Variants in ADAMTS17 observed in about 807,000 individuals in gnomAD.
ADAMTS17 encodes the protein ADAM metallopeptidase with thrombospondin type 1 motif 17.
ADAMTS17 carries 113 observed loss-of-function variants against 141.5 expected under a neutral mutation model. That is an observed-to-expected ratio of 0.80 (90% CI 0.69 to 0.93). The LOEUF (loss-of-function observed/expected upper bound fraction) is 0.93, where lower values mean the gene tolerates loss of function less well. ADAMTS17 is among the 40% of genes least tolerant of loss of function. ADAMTS17 has a pLI of 0.00. For synonymous variants in ADAMTS17, 768 were observed against 630.6 expected, an observed-to-expected ratio of 1.22 and a Z score of -3.27; for missense variants, 1,659 against 1,517.9, an observed-to-expected ratio of 1.09 and a Z score of -1.54.
chr15:100,322,712 G>C (rs2045767184), intron 3 of ADAMTS17, among the ~76,000 whole-genome samples: 1 of 152,188 alleles, frequency 6.6e-6, no homozygotes, highest in Non-Finnish European at 1.5e-5. Flanking sequence ...TGGATGAAAA[G>C]ACAGGAAATT....
At chr15:100,089,425 G>A (rs1289093246) in intron 15 of ADAMTS17, among the ~76,000 whole-genome samples, 23 of 150,090 alleles carry the variant, frequency 1.5e-4, no homozygotes, top group East Asian at 2.0e-4. Flanking sequence ...ACAGTGTGGC[G>A]ATTCCTCAGG....
rs28602565 is a variant in ADAMTS17 at position 100,096,021 on chromosome 15, G to T, written c.2137+335C>A. On this transcript the variant is annotated intron_variant, in intron 15 of 21. Transcript: ENST00000268070. Reference sequence around the variant, plus strand: ...ATCGACAGGTAAAATGATTTGGCAGGTGTCTCTCCCACCTTCTCTGCCTGT... The same window carrying T: ...ATCGACAGGTAAAATGATTTGGCAGTTGTCTCTCCCACCTTCTCTGCCTGT... 0.2 allele frequency among the ~76,000 whole-genome samples: 29,773 copies of T among 152,032 alleles called. 3,489 individuals are homozygous for T. The highest frequency in any genetic ancestry group is 0.48 in the East Asian group (2,451 of 5,132).
At chr15:100,137,018 A>G (rs977615293) in intron 10 of ADAMTS17, among the ~76,000 whole-genome samples, 56 of 152,254 alleles carry the variant, frequency 3.7e-4, no homozygotes, top group African/African-American at 1.3e-3. Flanking sequence ...CAGGAAATTT[A>G]TATCAACTAA....
intron 15 of ADAMTS17, among the ~76,000 whole-genome samples, chr15:100,095,800 C>G (rs1438857704): frequency 6.6e-6 from 1 of 152,142 alleles, no homozygotes; most frequent in African/African-American, 2.4e-5. Flanking sequence ...GGCCCATCAA[C>G]CGAATCCTGG....
chr15:100,006,056 G>A (rs891248322), intron 18 of ADAMTS17, among the ~76,000 whole-genome samples: 1 of 152,098 alleles, frequency 6.6e-6, no homozygotes, highest in Non-Finnish European at 1.5e-5. Context: ...TGTCATATCA[G>A]ATCAGGGCCC....
intron 8 of ADAMTS17, among the ~76,000 whole-genome samples, chr15:100,171,221 T>C (rs1283093790): frequency 6.6e-6 from 1 of 152,164 alleles, no homozygotes; most frequent in Admixed American, 6.5e-5. Flanking sequence ...GGACAGATGC[T>C]CTGGGCAGCA....
chr15:100,295,705 G>A (rs1468939115), intron 3 of ADAMTS17, among the ~76,000 whole-genome samples: 1 of 152,184 alleles, frequency 6.6e-6, no homozygotes, highest in Non-Finnish European at 1.5e-5. Context: ...TGCTCGTGCA[G>A]ACACTGACAC....
chr15:100,261,806 CAG>C (rs890796761), intron 5 of ADAMTS17, among the ~76,000 whole-genome samples, 170 bp from the exon 6 acceptor site: 5 of 152,122 alleles, frequency 3.3e-5, no homozygotes, highest in African/African-American at 1.2e-4. Context: ...GGCATAGATC[CAG>C]AGAGACCATC....
At chr15:100,201,582 C>G (rs925792860) in intron 7 of ADAMTS17, among the ~76,000 whole-genome samples, 1 of 152,228 alleles carries the variant, frequency 6.6e-6, no homozygotes, top group East Asian at 1.9e-4. Context: ...CGCAGAGGTG[C>G]GGCTCCAGGG....
chr15:100,108,425 C>T (rs1048544433), intron 14 of ADAMTS17, among the ~76,000 whole-genome samples: 4 of 152,170 alleles, frequency 2.6e-5, no homozygotes, highest in Admixed American at 6.5e-5. Context: ...CTTCCTGCCT[C>T]GGCCTCCCAA....
At chr15:100,172,647 C>A (rs111412192) in intron 8 of ADAMTS17, among the ~76,000 whole-genome samples, 1 of 152,266 alleles carries the variant, frequency 6.6e-6, no homozygotes, top group African/African-American at 2.4e-5. Flanking sequence ...CTGGCTTAGA[C>A]CCCTGCTCTC....
At chr15:100,043,222 C>A (rs8023899) in intron 18 of ADAMTS17, among the ~76,000 whole-genome samples, 8,829 of 152,248 alleles carry the variant, frequency 0.058, 823 homozygotes, top group African/African-American at 0.19. Flanking sequence ...TTGCTGTCTA[C>A]AGTCTCTAAG....
intron 18 of ADAMTS17, among the ~76,000 whole-genome samples, chr15:100,026,975 C>T (rs114853904): frequency 0.015 from 2,263 of 152,328 alleles, 64 homozygotes; most frequent in African/African-American, 0.051. Flanking sequence ...TCTGTCTTTT[C>T]TATTTCAATC....
intron 8 of ADAMTS17, among the ~76,000 whole-genome samples, chr15:100,193,092 C>T (rs1340457287): frequency 6.6e-6 from 1 of 152,238 alleles, no homozygotes. Context: ...CTGAGCTTCA[C>T]CTGCACCTGG....
At chr15:100,222,646 C>A (rs1312395485) in intron 7 of ADAMTS17, among the ~76,000 whole-genome samples, 1 of 152,168 alleles carries the variant, frequency 6.6e-6, no homozygotes, top group African/African-American at 2.4e-5. Context: ...GACTTCTCCA[C>A]CGGAAAAGTC....
At chr15:99,984,887 T>C (rs2060553956) in intron 20 of ADAMTS17, among the ~76,000 whole-genome samples, 1 of 152,214 alleles carries the variant, frequency 6.6e-6, no homozygotes, top group East Asian at 1.9e-4. Flanking sequence ...CTCTGATCTC[T>C]CACTCCCTGC....
intron 2 of ADAMTS17, among the ~76,000 whole-genome samples, chr15:100,332,549 A>T (rs917044447): frequency 8.5e-5 from 13 of 152,222 alleles, no homozygotes; most frequent in Non-Finnish European, 1.5e-4. Flanking sequence ...GCACTTTCAA[A>T]GCTAGTTATT....
chr15:100,290,378 T>A (rs990728873), intron 3 of ADAMTS17, among the ~76,000 whole-genome samples: 1 of 152,000 alleles, frequency 6.6e-6, no homozygotes, highest in Non-Finnish European at 1.5e-5. Flanking sequence ...AAATGGAAAA[T>A]CATTCCATGG....
At chr15:100,191,373 A>G (rs2040910931) in intron 8 of ADAMTS17, among the ~76,000 whole-genome samples, 1 of 152,188 alleles carries the variant, frequency 6.6e-6, no homozygotes, top group South Asian at 2.1e-4. Flanking sequence ...TGCTCAGAAT[A>G]CAGGTAGGAC....
Sources: allele counts gnomAD v4.1 joint callset (sites outside exome capture counted in the v4.1 genomes callset), GRCh38; gene constraint gnomAD v4.1.1; transcripts MANE v1.5; gene names NCBI Gene and HGNC (gene_info 2026-07-23, HGNC 2026-07-21).